Variants in PALD1 observed in about 807,000 individuals in gnomAD.
PALD1 encodes the protein paladin.
A neutral mutation model predicts 96.0 loss-of-function variants in PALD1; 57 were observed. The observed-to-expected ratio is 0.59, with a 90% confidence interval of 0.48 to 0.74. The LOEUF is 0.74. Ranked by LOEUF, PALD1 falls within the 30% of genes least tolerant of loss-of-function variation. The probability of loss-of-function intolerance (pLI) is 0.00; values close to 1 mark genes in which losing one functional copy is unlikely to be tolerated. For synonymous variants in PALD1, 464 were observed against 473.6 expected (o/e 0.98, Z 0.26); for missense variants, 1,063 against 1,143.7 (o/e 0.93, Z 1.02).
At chr10:70,484,546 G>GTT (rs764924623) in intron 1 of PALD1, among the ~76,000 whole-genome samples, 2 of 144,930 alleles carry the variant, frequency 1.4e-5, no homozygotes, top group African/African-American at 2.5e-5. Context: ...TTTATTGTTT[G>GTT]TTTTTTTTTT....
intron 2 of PALD1, among the ~76,000 whole-genome samples, 190 bp from the exon 3 acceptor site, chr10:70,529,039 C>T (rs1157032047): frequency 6.6e-6 from 1 of 152,094 alleles, no homozygotes; most frequent in Non-Finnish European, 1.5e-5. Flanking sequence ...GCTCAGTCCT[C>T]AGTCACAGCC....
chr10:70,559,230 G>A (rs1019114046), intron 18 of PALD1, among the ~76,000 whole-genome samples: 1 of 152,160 alleles, frequency 6.6e-6, no homozygotes, highest in African/African-American at 2.4e-5. Flanking sequence ...CCTGAAGGAG[G>A]AGCTGTGCTG....
intron 1 of PALD1, among the ~76,000 whole-genome samples, chr10:70,511,208 G>C (rs1589187285): frequency 6.6e-6 from 1 of 152,334 alleles, no homozygotes; most frequent in African/African-American, 2.4e-5. Flanking sequence ...CAAGTAATAG[G>C]AAAAGCCAAA....
chr10:70,501,752 T>C (rs10443942), intron 1 of PALD1, among the ~76,000 whole-genome samples: 124,275 of 151,644 alleles, frequency 0.82, 53,000 homozygotes, highest in East Asian at 0.96. Context: ...ATCCCATTTT[T>C]CAGAGATAAG....
the PALD1 span, among the ~76,000 whole-genome samples, chr10:70,460,143 G>T: frequency 6.6e-6 from 1 of 152,118 alleles, no homozygotes; most frequent in Admixed American, 6.5e-5. Context: ...CGCCGTCTGG[G>T]CCCCTGCTCA....
intron 18 of PALD1, among the ~76,000 whole-genome samples, chr10:70,556,288 C>CTCTCTCTCTCTCTCTCTCG (rs1554862643): frequency 4.4e-4 from 65 of 148,324 alleles, no homozygotes; most frequent in African/African-American, 1.6e-3. Context: ...ACCTCTCTCT[C>CTCTCTCTCTCTCTCTCTCG]TCTCTCTCTC....
At chr10:70,462,691 G>GC in the PALD1 span, among the ~76,000 whole-genome samples, 1 of 152,224 alleles carries the variant, frequency 6.6e-6, no homozygotes, top group South Asian at 2.1e-4. Context: ...GATGCCTTGT[G>GC]CCCCCCTGGC....
At chr10:70,526,243 C>A in intron 2 of PALD1, 107 bp downstream of exon 2, 3 of 883,242 alleles carry the variant, frequency 3.4e-6, no homozygotes, top group South Asian at 1.6e-5. Flanking sequence ...AGACTGGATT[C>A]GGGTTCATAG....
chr10:70,564,237 G>A, intron 18 of PALD1, 127 bp from the exon 19 acceptor site: 1 of 980,124 alleles, frequency 1.0e-6, no homozygotes, highest in Non-Finnish European at 1.5e-6. Flanking sequence ...TAACCCAGGT[G>A]GAAGCAACGC....
At chr10:70,460,533 A>G in the PALD1 span, among the ~76,000 whole-genome samples, 2 of 152,060 alleles carry the variant, frequency 1.3e-5, no homozygotes, top group East Asian at 3.9e-4. Context: ...ACCTCATACC[A>G]GCCATGTGGA....
intron 19 of PALD1, among the ~76,000 whole-genome samples, chr10:70,565,709 G>A (rs907849554): frequency 6.6e-6 from 1 of 152,180 alleles, no homozygotes; most frequent in African/African-American, 2.4e-5. Context: ...GACCTGATGG[G>A]GTCACACCAA....
At chr10:70,489,992 G>A (rs1846073958) in intron 1 of PALD1, among the ~76,000 whole-genome samples, 1 of 151,472 alleles carries the variant, frequency 6.6e-6, no homozygotes, top group Admixed American at 6.6e-5. Context: ...GCGTGATCTC[G>A]GCTGATGGCA....
At chr10:70,500,966 C>T (rs72809293) in intron 1 of PALD1, among the ~76,000 whole-genome samples, 1,606 of 152,288 alleles carry the variant, frequency 0.011, 12 homozygotes, top group South Asian at 0.027. Flanking sequence ...GTATGCCCAC[C>T]CATTCCTGGC....
At chr10:70,472,282 C>T in the PALD1 span, among the ~76,000 whole-genome samples, 761 of 152,128 alleles carry the variant, frequency 5.0e-3, 3 homozygotes, top group African/African-American at 0.017. Context: ...TTTATTGAGA[C>T]GGAGTTTTGC....
At chr10:70,483,749 T>G (rs1355856506) in intron 1 of PALD1, among the ~76,000 whole-genome samples, 1 of 152,136 alleles carries the variant, frequency 6.6e-6, no homozygotes, top group Non-Finnish European at 1.5e-5. Flanking sequence ...AAGGGACTTC[T>G]CCTCCCCTTT....
In PALD1 at chr10:70,519,467, C is replaced by T. The variant is rs1846684045; in HGVS notation, c.-29-6456C>T. 5.3e-5 allele frequency among the ~76,000 whole-genome samples: 8 copies of T among 152,116 alleles called. No homozygotes were observed. The South Asian group carries it at 1.7e-3, about 32-fold the overall frequency. ...CTCTGGGGTCCCTATTATAAGGGCA[C>T]TGATCCCATTCCTGAGGGTTCTGCC... On this transcript the variant is annotated intron_variant, in intron 1 of 19. Coordinates refer to ENST00000263563, the MANE Select transcript of PALD1 (RefSeq NM_014431.3).
Position 70,533,033 on chromosome 10 carries a change from T to G in PALD1, c.833T>G (p.Leu278Arg). 1 of 1,587,088 alleles carries G rather than the reference T, an allele frequency of 6.3e-7. No homozygotes were observed. ...RLPLPEQGSPLEAQLDAFVSV... is the reference protein window; with the variant it reads ...RLPLPEQGSPREAQLDAFVSV... Reference sequence around the variant, plus strand: ...CCCCTGCCCGAGCAAGGGAGTCCCCTGGAGGCCCAGTTGGACGCCTTTGTC... The same window carrying G: ...CCCCTGCCCGAGCAAGGGAGTCCCCGGGAGGCCCAGTTGGACGCCTTTGTC... The change falls in exon 7 of 20, where the codon CTG becomes CGG. Residue 278 changes from leucine to arginine, a missense_variant. Physicochemically the swap from Leu to Arg is moderately radical, Grantham distance 102 (BLOSUM62 -2). Transcript: ENST00000263563.
At chr10:70,517,883 G>A (rs1192998197) in intron 1 of PALD1, among the ~76,000 whole-genome samples, 2 of 151,930 alleles carry the variant, frequency 1.3e-5, no homozygotes, top group Non-Finnish European at 2.9e-5. Context: ...TCTGTAGTCT[G>A]CTCCTTTTTG....
chr10:70,511,953 G>A (rs192748349), intron 1 of PALD1, among the ~76,000 whole-genome samples: 2 of 152,266 alleles, frequency 1.3e-5, no homozygotes, highest in East Asian at 3.9e-4. Context: ...CTTGAACCTG[G>A]GAGGCGGAGG....
Sources: gnomAD v4.1 joint callset for allele counts (sites outside exome capture counted in the v4.1 genomes callset) on GRCh38, gnomAD v4.1.1 for gene constraint, MANE v1.5 for transcripts, NCBI Gene and HGNC (gene_info 2026-07-23, HGNC 2026-07-21) for gene names.